Variants in TTC4 observed in about 807,000 individuals in gnomAD.
The protein encoded by TTC4 is hsp70/Hsp90 co-chaperone CNS1 homolog.
In TTC4, 36 loss-of-function variants were observed where a neutral mutation model predicts 51.9. That is an observed-to-expected ratio of 0.69 (90% confidence interval 0.53 to 0.92). The LOEUF (loss-of-function observed/expected upper bound fraction) is 0.92. Ranked by LOEUF, TTC4 falls within the 40% of genes least tolerant of loss-of-function variation. The pLI is 0.00. For synonymous variants in TTC4, 144 were observed against 164.2 expected (o/e 0.88, Z 0.94); for missense variants, 399 against 454.6 (o/e 0.88, Z 1.11).
chr1:54,733,755 T>G, intron 8 of TTC4, 45 bp downstream of exon 8: 1 of 276,674 alleles, frequency 3.6e-6, no homozygotes, highest in African/African-American at 7.9e-5. Flanking sequence ...TAATTTTTTT[T>G]TTTTTTTTTT....
In TTC4 at chr1:54,737,662, G is replaced by A. The variant is rs1373248881; in HGVS notation, c.1059G>A (p.Gln353=). 6 of 1,612,298 alleles carry A rather than the reference G, an allele frequency of 3.7e-6. No individual in the cohort carries two copies. The African/African-American group carries it at 6.7e-5, about 18-fold the overall frequency. ...KSTLLQVLQH[Q]RYFVKALTPA... ...CCTTGCTACAGGTTCTACAGCACCA[G>A]AGGTGAGTCATCTCATGGCGCTGAG... is the stretch of plus-strand genomic sequence containing the variant. Residue 353 remains glutamine, a splice_region_variant and synonymous_variant, in exon 9 of 10, where the codon CAG becomes CAA. Transcript: ENST00000371281.
chr1:54,725,190 T>G (rs976944075), intron 5 of TTC4, among the ~76,000 whole-genome samples: 16 of 152,154 alleles, frequency 1.1e-4, no homozygotes, highest in Non-Finnish European at 2.2e-4. Context: ...TTATATGACC[T>G]GACTTGGAGC....
intron 6 of TTC4, among the ~76,000 whole-genome samples, chr1:54,729,501 C>T (rs1645839957): frequency 1.3e-5 from 2 of 152,150 alleles, no homozygotes; most frequent in Admixed American, 6.5e-5. Flanking sequence ...TTGCTCTTAA[C>T]CACTGGGTTG....
In TTC4 at chr1:54,736,203, A is replaced by T. The variant is rs1222481897; in HGVS notation, c.979-1379A>T. Among the ~76,000 whole-genome samples the T allele has an allele frequency of 7.2e-3, 998 of 138,832 alleles. 55 individuals carry two copies. The highest frequency in any genetic ancestry group is 0.025 in the African/African-American group (821 of 32,810). 91.1% of individuals were successfully genotyped at this position (138,832 alleles called of 152,430 possible). A position where few individuals can be genotyped will look rare whatever the true frequency, so the allele number is the denominator to read the frequency against. ...GAGAGAGAGAGAGAGAGAGAGAGAG[A>T]GAGAGAGAGAGAGAGAGAGAAGAGG... On this transcript the variant is annotated intron_variant, in intron 8 of 9. Coordinates refer to ENST00000371281, the MANE Select transcript of TTC4 (RefSeq NM_004623.5).
At position 54,722,819 on chromosome 1, in the gene TTC4, CAATTAGCATTTGCTAATTAGCAGT is replaced by C. The variant is rs201524669; in HGVS notation, c.594+31_594+54del. Reference sequence around the variant, plus strand: ...CTGAAGGTTGGTGACTGTCAGCAACCAATTAGCATTTGCTAATTAGCAGTAATTAGCATTCCCAAGATTGTGTCT... The same window carrying C: ...CTGAAGGTTGGTGACTGTCAGCAACCAATTAGCATTCCCAAGATTGTGTCT... On this transcript the variant is annotated intron_variant, in intron 5 of 9. Transcript: ENST00000371281. 22,965 of 1,610,260 alleles carry C rather than the reference CAATTAGCATTTGCTAATTAGCAGT, an allele frequency of 0.014. 1,109 individuals are homozygous for C. In the East Asian group the frequency reaches 0.14, roughly 10 times the overall value.
At chr1:54,728,047 A>C (rs1244545484) in intron 5 of TTC4, among the ~76,000 whole-genome samples, 1 of 152,218 alleles carries the variant, frequency 6.6e-6, no homozygotes, top group African/African-American at 2.4e-5. Flanking sequence ...ACACGACCAG[A>C]GTAGTACATA....
chr1:54,722,664 G>A lies in TTC4; in HGVS notation c.470-11G>A, dbSNP rs1339916157. The stretch of plus-strand genomic sequence containing the variant: ...GTTTTTCTTGAATCCTAAGGGTTCT[G>A]GGTTCTGCAGGTGCCTTATGCCATC... On this transcript the variant is annotated splice_polypyrimidine_tract_variant and intron_variant, in intron 4 of 9. Transcript: ENST00000371281. The A allele has an allele frequency of 8.1e-6, 13 of 1,612,928 alleles. No individual in the cohort carries two copies. The highest frequency in any genetic ancestry group is 1.1e-5 in the Non-Finnish European group (13 of 1,179,624).
intron 8 of TTC4, among the ~76,000 whole-genome samples, chr1:54,734,801 G>C (rs551035001): frequency 6.3e-4 from 96 of 152,228 alleles, no homozygotes; most frequent in African/African-American, 2.1e-3. Flanking sequence ...TTGAGAGTAG[G>C]ATGCCAGCTG....
intron 8 of TTC4, among the ~76,000 whole-genome samples, chr1:54,734,324 C>T (rs974408085): frequency 6.6e-6 from 1 of 151,720 alleles, no homozygotes; most frequent in African/African-American, 2.4e-5. Flanking sequence ...CACTCACCTC[C>T]GCCTTTCAAA....
At chr1:54,739,176 A>C (rs2101373241) in intron 9 of TTC4, among the ~76,000 whole-genome samples, 1 of 151,820 alleles carries the variant, frequency 6.6e-6, no homozygotes, top group Non-Finnish European at 1.5e-5. Context: ...CCAGCCCCTA[A>C]AATTTTTTTT....
At chr1:54,735,629 C>G (rs1414966372) in intron 8 of TTC4, among the ~76,000 whole-genome samples, 1 of 152,206 alleles carries the variant, frequency 6.6e-6, no homozygotes, top group African/African-American at 2.4e-5. Context: ...GATGTTCACT[C>G]TGATCACCTG....
chr1:54,737,970 G>A (rs1293484810), intron 9 of TTC4, among the ~76,000 whole-genome samples: 8 of 151,530 alleles, frequency 5.3e-5, no homozygotes, highest in Non-Finnish European at 1.2e-4. Context: ...GTGTGATCTC[G>A]GCTCACTGCA....
chr1:54,720,939 G>A (rs1645736634), intron 3 of TTC4, among the ~76,000 whole-genome samples: 1 of 151,576 alleles, frequency 6.6e-6, no homozygotes, highest in South Asian at 2.1e-4. Context: ...TAGTGATGTT[G>A]AACGTCTTTT....
intron 8 of TTC4, among the ~76,000 whole-genome samples, chr1:54,734,113 C>T (rs1389916917): frequency 3.3e-5 from 5 of 152,260 alleles, no homozygotes; most frequent in Admixed American, 3.3e-4. Flanking sequence ...GCTGTTTCAC[C>T]CAGGCTGGAG....
At chr1:54,721,024 C>A in intron 3 of TTC4, 139 bp from the exon 4 acceptor site, 2 of 725,272 alleles carry the variant, frequency 2.8e-6, no homozygotes, top group Non-Finnish European at 2.2e-6. Flanking sequence ...ACAAGTACAA[C>A]CATATTTTTT....
At chr1:54,716,477 G>C (rs757232008) in intron 1 of TTC4, 123 bp from the exon 2 acceptor site, 3 of 720,534 alleles carry the variant, frequency 4.2e-6, no homozygotes, top group Non-Finnish European at 7.1e-6. Flanking sequence ...GGCCTGAATG[G>C]ATACAGCTAG....
chr1:54,718,954 G>T (rs60903375), intron 3 of TTC4, among the ~76,000 whole-genome samples: 14,041 of 152,038 alleles, frequency 0.092, 914 homozygotes, highest in South Asian at 0.19. Context: ...TTTCCTGAAT[G>T]CTTTGATATT....
At chr1:54,737,067 C>T (rs758296314) in intron 8 of TTC4, 1 of 154,456 alleles carries the variant, frequency 6.5e-6, no homozygotes, top group Non-Finnish European at 1.4e-5. Context: ...TTCCCCTGCT[C>T]AGGCCTGCTG....
At chr1:54,730,037 TTTA>T (rs1466947546) in intron 6 of TTC4, among the ~76,000 whole-genome samples, 1 of 152,156 alleles carries the variant, frequency 6.6e-6, no homozygotes, top group Non-Finnish European at 1.5e-5. Flanking sequence ...GGTTTTTTGT[TTTA>T]TTATTTGTTC....
Sources: allele counts gnomAD v4.1 joint callset (sites outside exome capture counted in the v4.1 genomes callset), GRCh38; gene constraint gnomAD v4.1.1; transcripts MANE v1.5; gene names NCBI Gene and HGNC (gene_info 2026-07-23, HGNC 2026-07-21).